The following LRP1B variants were observed in gnomAD, a reference collection of about 807,000 sequenced individuals.
LRP1B encodes the protein LDL receptor related protein 1B, also known as low-density lipoprotein receptor-related protein 1B.
LRP1B carries 217 observed loss-of-function variants against 556.6 expected under a neutral mutation model. The observed-to-expected ratio is 0.39, with a 90% CI of 0.35 to 0.44. The LOEUF (loss-of-function observed/expected upper bound fraction) is 0.44. Ranked by LOEUF, LRP1B falls within the 20% of genes least tolerant of loss-of-function variation. LRP1B has a pLI of 1.00. For missense variants in LRP1B, 5,053 were observed against 5,620.8 expected, an observed-to-expected ratio of 0.90 and a Z score of 3.23; for synonymous variants, 2,047 against 1,865.8, an observed-to-expected ratio of 1.10 and a Z score of -2.50.
chr2:141,504,881 G>A (rs1489789131), intron 2 of LRP1B, among the ~76,000 whole-genome samples: 2 of 152,054 alleles, frequency 1.3e-5, no homozygotes, highest in African/African-American at 2.4e-5. Context: ...TAAAGACTTA[G>A]TTCTTCAGTC....
intron 2 of LRP1B, among the ~76,000 whole-genome samples, chr2:141,494,975 A>G (rs1295788125): frequency 2.0e-5 from 3 of 151,954 alleles, no homozygotes; most frequent in Non-Finnish European, 2.9e-5. Flanking sequence ...AATTCCTTAC[A>G]TTTATGGACA....
At chr2:140,983,933 A>G (rs1166982551) in intron 17 of LRP1B, among the ~76,000 whole-genome samples, 1 of 151,936 alleles carries the variant, frequency 6.6e-6, no homozygotes, top group Non-Finnish European at 1.5e-5. Context: ...GTAAAATTAA[A>G]TAATTCTATA....
chr2:140,323,247 T>TAGAAATATATTTTCAAGAGAATTAC, intron 81 of LRP1B, among the ~76,000 whole-genome samples: 1 of 152,126 alleles, frequency 6.6e-6, no homozygotes, highest in South Asian at 2.1e-4. Flanking sequence ...ATAGCTGTGT[T>TAGAAATATATTTTCAAGAGAATTAC]AGAAATATAT....
At chr2:141,406,314 A>G (rs1690631618) in intron 3 of LRP1B, among the ~76,000 whole-genome samples, 2 of 152,126 alleles carry the variant, frequency 1.3e-5, no homozygotes. Flanking sequence ...GGATGTTCAT[A>G]TAATTAATCA....
intron 2 of LRP1B, among the ~76,000 whole-genome samples, chr2:141,600,780 G>T (rs1687704389): frequency 6.6e-6 from 1 of 152,042 alleles, no homozygotes; most frequent in African/African-American, 2.4e-5. Context: ...GTCCACCCCT[G>T]TTTTGTACCT....
intron 2 of LRP1B, among the ~76,000 whole-genome samples, chr2:141,494,181 G>A (rs1293796090): frequency 6.6e-6 from 1 of 152,146 alleles, no homozygotes; most frequent in East Asian, 1.9e-4. Flanking sequence ...CATGAAGGAT[G>A]TCAACATCAC....
chr2:140,233,509 A>G (rs1224362973), intron 90 of LRP1B, among the ~76,000 whole-genome samples, 183 bp from the exon 91 acceptor site: 6 of 151,226 alleles, frequency 4.0e-5, no homozygotes. Context: ...CAACTCAAGC[A>G]TGGTATTAAA....
intron 32 of LRP1B, among the ~76,000 whole-genome samples, chr2:140,787,920 T>C (rs1443123214): frequency 1.3e-5 from 2 of 152,046 alleles, no homozygotes; most frequent in Non-Finnish European, 2.9e-5. Context: ...CTTTATTAAT[T>C]ATTTTATCTT....
At position 141,152,588 on chromosome 2, in the gene LRP1B, G is replaced by A. The variant is rs1469317870; in HGVS notation, c.1013+35833C>T. Among the ~76,000 whole-genome samples the A allele has an allele frequency of 2.6e-5, 4 of 151,956 alleles. No individual in the cohort carries two copies. The East Asian group carries it at 7.7e-4, about 29-fold the overall frequency. On this transcript the variant is annotated intron_variant, in intron 7 of 90. Transcript: ENST00000389484. ...ATGAGAATGTATACACCCTGGCTCA[G>A]ACAGGAAATATAAACACCAGGGATT...
At chr2:140,535,634 C>T (rs748498284) in intron 46 of LRP1B, among the ~76,000 whole-genome samples, 3 of 152,026 alleles carry the variant, frequency 2.0e-5, no homozygotes, top group South Asian at 2.1e-4. Flanking sequence ...GCATAGTACA[C>T]GATCCCAATG....
At chr2:142,061,581 G>A (rs1342196120) in intron 1 of LRP1B, among the ~76,000 whole-genome samples, 1 of 151,932 alleles carries the variant, frequency 6.6e-6, no homozygotes, top group Non-Finnish European at 1.5e-5. Context: ...ACTAATTCAT[G>A]AGAAACATTA....
At chr2:141,018,964 T>C (rs1215552932) in intron 12 of LRP1B, among the ~76,000 whole-genome samples, 1 of 152,104 alleles carries the variant, frequency 6.6e-6, no homozygotes, top group Non-Finnish European at 1.5e-5. Flanking sequence ...AATATGTATT[T>C]TTTGTATGTG....
intron 1 of LRP1B, among the ~76,000 whole-genome samples, chr2:142,092,168 T>C (rs1374930554): frequency 6.6e-6 from 1 of 152,222 alleles, no homozygotes; most frequent in Non-Finnish European, 1.5e-5. Flanking sequence ...GCTTATGGCA[T>C]GGTGAATAGG....
At chr2:141,920,682 C>A (rs1472866162) in intron 1 of LRP1B, among the ~76,000 whole-genome samples, 1 of 151,832 alleles carries the variant, frequency 6.6e-6, no homozygotes, top group East Asian at 1.9e-4. Context: ...CTTTTTAAAG[C>A]TTTTGAAAGC....
chr2:141,906,303 A>T (rs555793280), intron 1 of LRP1B, among the ~76,000 whole-genome samples: 4 of 152,094 alleles, frequency 2.6e-5, no homozygotes, highest in Admixed American at 2.6e-4. Context: ...GACACGACAC[A>T]AATTATGGAG....
At chr2:140,966,245 T>C (rs1558769009) in intron 18 of LRP1B, among the ~76,000 whole-genome samples, 2 of 152,222 alleles carry the variant, frequency 1.3e-5, no homozygotes, top group Non-Finnish European at 2.9e-5. Context: ...ATGATTGCCA[T>C]TCTAACTGGT....
intron 2 of LRP1B, among the ~76,000 whole-genome samples, chr2:141,553,669 A>G (rs1023737785): frequency 2.1e-5 from 3 of 145,126 alleles, no homozygotes; most frequent in African/African-American, 7.5e-5. Flanking sequence ...TATATATAAC[A>G]TATAGATATA....
Position 141,077,293 on chromosome 2 carries a change from T to C in LRP1B, c.1014-15020A>G, listed in dbSNP as rs77962918. Among the ~76,000 whole-genome samples, 1,074 of 152,148 alleles carry C rather than the reference T, an allele frequency of 7.1e-3. 10 individuals carry two copies. Among genetic ancestry groups the C allele is most frequent in the African/African-American group, 0.025 (1,021 of 41,534 alleles). On this transcript the variant is annotated intron_variant, in intron 7 of 90. Transcript: ENST00000389484. ...ACAAACAAACAAACAAAAAGTAGGC[T>C]ATGCAATACTGGTATTTTGTCCCAA...
intron 2 of LRP1B, among the ~76,000 whole-genome samples, chr2:141,620,570 G>A (rs529642475): frequency 1.2e-4 from 19 of 152,090 alleles, no homozygotes; most frequent in African/African-American, 4.3e-4. Flanking sequence ...ACTTTTTTCT[G>A]TTATTTTAGT....
Sources: gnomAD v4.1 joint callset for allele counts (sites outside exome capture counted in the v4.1 genomes callset) on GRCh38, gnomAD v4.1.1 for gene constraint, MANE v1.5 for transcripts, NCBI Gene and HGNC (gene_info 2026-07-23, HGNC 2026-07-21) for gene names.